Variants in SRRD observed in about 807,000 individuals in gnomAD.
The protein encoded by SRRD is SRR1 domain containing.
A neutral mutation model predicts 30.7 loss-of-function variants in SRRD; 28 were observed. That is an observed-to-expected ratio of 0.91 (90% CI 0.68 to 1.25). SRRD has a LOEUF of 1.25. Ranked by LOEUF, SRRD falls within the 50% of genes most tolerant of loss-of-function variation. The pLI, the probability that SRRD is intolerant of heterozygous loss-of-function variation, is 0.00. For synonymous variants in SRRD, 161 were observed against 159.6 expected, an observed-to-expected ratio of 1.01 and a Z score of -0.07; for missense variants, 415 against 417.3, an observed-to-expected ratio of 0.99 and a Z score of 0.05.
At chr22:26,486,964 C>A (rs2091713556) in intron 2 of SRRD, among the ~76,000 whole-genome samples, 1 of 150,612 alleles carries the variant, frequency 6.6e-6, no homozygotes, top group African/African-American at 2.4e-5. Flanking sequence ...CTGTGTCACC[C>A]AGGCTGGAGT....
chr22:26,484,448 G>C (rs2091647852), intron 1 of SRRD, among the ~76,000 whole-genome samples: 1 of 152,226 alleles, frequency 6.6e-6, no homozygotes, highest in South Asian at 2.1e-4. Context: ...GGTAAGCACT[G>C]TGCCAGTGTT....
intron 4 of SRRD, 70 bp from the exon 5 acceptor site, chr22:26,489,974 A>C: frequency 1.3e-6 from 2 of 1,559,916 alleles, no homozygotes; most frequent in Admixed American, 1.7e-5. Flanking sequence ...CCCCATCCTT[A>C]CCTCTCCCTC....
At chr22:26,490,396 G>A (rs749827250) in intron 5 of SRRD, among the ~76,000 whole-genome samples, 198 bp downstream of exon 5, 2 of 152,000 alleles carry the variant, frequency 1.3e-5, no homozygotes, top group Admixed American at 6.6e-5. Context: ...TTTTTGCCAC[G>A]AATTCCTCCC....
intron 6 of SRRD, 174 bp from the exon 7 acceptor site, chr22:26,491,289 C>A: frequency 2.8e-6 from 2 of 713,084 alleles, no homozygotes; most frequent in Non-Finnish European, 4.7e-6. Context: ...TCCATGATAT[C>A]CACTGTCCTT....
intron 3 of SRRD, 25 bp downstream of exon 3, chr22:26,488,313 C>T (rs770664091): frequency 6.2e-7 from 1 of 1,602,458 alleles, no homozygotes; most frequent in African/African-American, 1.3e-5. Flanking sequence ...TCATTTTCAT[C>T]TCCTCCTCCT....
At chr22:26,490,559 C>CTTTTTTTATTTTTTT (rs1921027462) in intron 5 of SRRD, among the ~76,000 whole-genome samples, 1 of 51,834 alleles carries the variant, frequency 1.9e-5, no homozygotes, top group Non-Finnish European at 3.4e-5. Context: ...GGAATATTTG[C>CTTTTTTTATTTTTTT]TTTTTTTTTT....
rs115447542 is a variant in SRRD at position 26,488,358 on chromosome 22, G to A, written c.511-32G>A. The A allele has an allele frequency of 1.5e-3, 2,353 of 1,613,666 alleles. 31 individuals are homozygous for A. The African/African-American group carries it at 0.028, about 19-fold the overall frequency. On this transcript the variant is annotated intron_variant, in intron 3 of 6. Coordinates refer to ENST00000215917, the MANE Select transcript of SRRD (RefSeq NM_001013694.3). ...TACATGGGTGCACACAGATGTTTGG[G>A]TTGAAGTAAACAACTCATTCTTCCC...
intron 5 of SRRD, 96 bp downstream of exon 5, chr22:26,490,294 T>A: frequency 7.3e-7 from 1 of 1,373,502 alleles, no homozygotes; most frequent in Non-Finnish European, 1.0e-6. Context: ...GACGATTCCA[T>A]ACTGGGGAAA....
chr22:26,489,500 G>A (rs1337685628), intron 4 of SRRD, among the ~76,000 whole-genome samples: 1 of 152,020 alleles, frequency 6.6e-6, no homozygotes, highest in East Asian at 1.9e-4. Flanking sequence ...CTGCCAGTTT[G>A]TTATTAACAC....
At chr22:26,485,968 T>C (rs550940072) in intron 1 of SRRD, 55 bp from the exon 2 acceptor site, 3 of 1,609,044 alleles carry the variant, frequency 1.9e-6, no homozygotes, top group South Asian at 2.2e-5. Flanking sequence ...AAAGTTACTG[T>C]TGGGGCAGCC....
In SRRD at chr22:26,490,997, T is replaced by G. The variant is rs200134844; in HGVS notation, c.765-28T>G. On this transcript the variant is annotated intron_variant, in intron 5 of 6. Coordinates refer to ENST00000215917, the MANE Select transcript of SRRD (RefSeq NM_001013694.3). ...CCTCCTAATCATGGTGTTTTTTTTT[T>G]GTTTTTTTGGTTTTTTTTAATTTCT... is the stretch of plus-strand genomic sequence containing the variant. 60 of 1,564,202 alleles carry G rather than the reference T, an allele frequency of 3.8e-5. 1 individual carries two copies. Among genetic ancestry groups the G allele is most frequent in the South Asian group, 1.1e-4 (10 of 87,688 alleles).
intron 4 of SRRD, among the ~76,000 whole-genome samples, chr22:26,489,370 G>A (rs571971641): frequency 3.3e-5 from 5 of 152,196 alleles, no homozygotes; most frequent in South Asian, 2.1e-4. Flanking sequence ...ACAGGTGTTC[G>A]GAGGGATGGA....
Position 26,493,227 on chromosome 22 carries a change from C to T in SRRD, c.*1555C>T, listed in dbSNP as rs1274821620. ...ATTTTTAGTAGAGACGGGGTTTCAC[C>T]ATGTTGGTCAGGCTGGTCTCGAACT... On this transcript the variant is annotated 3_prime_UTR_variant, in exon 7 of 7. Coordinates refer to ENST00000215917, the MANE Select transcript of SRRD (RefSeq NM_001013694.3). 3 of 152,134 alleles carry T rather than the reference C, an allele frequency of 2.0e-5. No homozygotes were observed. Among genetic ancestry groups the T allele is most frequent in the Non-Finnish European group, 4.4e-5 (3 of 68,054 alleles). 9.4% of individuals were successfully genotyped at this position (152,134 alleles called of 1,614,324 possible). A position where few individuals can be genotyped will look rare whatever the true frequency, so the allele number is the denominator to read the frequency against.
intron 4 of SRRD, among the ~76,000 whole-genome samples, chr22:26,489,349 C>G (rs2091731166): frequency 6.6e-6 from 1 of 152,062 alleles, no homozygotes; most frequent in Non-Finnish European, 1.5e-5. Flanking sequence ...GAGGCAGAAC[C>G]TTGTACTACG....
rs1187680571 is a variant in SRRD at position 26,484,009 on chromosome 22, CGCCCCGGGGG to C, written c.120_129del (p.Pro41GlufsTer40). 333 of 1,340,762 alleles carry C rather than the reference CGCCCCGGGGG, an allele frequency of 2.5e-4. 3 individuals carry two copies. Among genetic ancestry groups the C allele is most frequent in the Middle Eastern group, 2.7e-4 (1 of 3,656 alleles). 83.1% of individuals were successfully genotyped at this position (1,340,762 alleles called of 1,614,324 possible). On this transcript the variant is annotated frameshift_variant, in exon 1 of 7. Coordinates refer to ENST00000215917, the MANE Select transcript of SRRD (RefSeq NM_001013694.3). LOFTEE classifies it high-confidence loss of function. ...GCGGCGCCCCGGGGGAGAGAGGCGGCGCCCCGGGGGAGAGAGGCGGCGCCCCGGGGCCCCG... is the reference window on the plus strand; with the variant it reads ...GCGGCGCCCCGGGGGAGAGAGGCGGCAGAGAGGCGGCGCCCCGGGGCCCCG...
At position 26,483,953 on chromosome 22, in the gene SRRD, CTCCGCGGCTCGACGG is replaced by C; in HGVS notation, c.64_78del (p.Ser22_Arg26del). 1 of 1,365,948 alleles carries C rather than the reference CTCCGCGGCTCGACGG, an allele frequency of 7.3e-7. No individual in the cohort carries two copies. Among genetic ancestry groups the C allele is most frequent in the East Asian group, 3.1e-5 (1 of 32,592 alleles). 84.6% of individuals were successfully genotyped at this position (1,365,948 alleles called of 1,614,324 possible). On this transcript the variant is annotated inframe_deletion, in exon 1 of 7. Coordinates refer to ENST00000215917, the MANE Select transcript of SRRD (RefSeq NM_001013694.3). ...AGGCGGCGGCTCCGCGGAAGAGGCG[CTCCGCGGCTCGACGG>C]CCGCGGCGGAGGGAGGCGGCGCCCC...
In SRRD at chr22:26,494,532, T is replaced by C; in HGVS notation, c.*2860T>C. 2.9e-6 allele frequency: 2 copies of C among 700,594 alleles called. No homozygotes were observed. The highest frequency in any genetic ancestry group is 2.3e-6 in the Non-Finnish European group (1 of 425,922). 43.4% of individuals were successfully genotyped at this position (700,594 alleles called of 1,614,324 possible). On this transcript the variant is annotated 3_prime_UTR_variant, in exon 7 of 7. Transcript: ENST00000215917. ...CTCTCTGAGCCTCAGCTTCCATGTC[T>C]ACACAACAGGGATACCATATCCCCT...
intron 1 of SRRD, among the ~76,000 whole-genome samples, chr22:26,485,547 C>T (rs2091692508): frequency 6.6e-6 from 1 of 152,198 alleles, no homozygotes; most frequent in African/African-American, 2.4e-5. Context: ...CCCCTTAAAA[C>T]TATTTATAAT....
At chr22:26,486,127 G>A in intron 2 of SRRD, 64 bp downstream of exon 2, 1 of 1,609,144 alleles carries the variant, frequency 6.2e-7, no homozygotes, top group Non-Finnish European at 8.5e-7. Flanking sequence ...CCTCATTTGA[G>A]GACATTTTGC....
Sources: gnomAD v4.1 joint callset for allele counts (sites outside exome capture counted in the v4.1 genomes callset) on GRCh38, gnomAD v4.1.1 for gene constraint, MANE v1.5 for transcripts, NCBI Gene and HGNC (gene_info 2026-07-23, HGNC 2026-07-21) for gene names.